The following LRRC28 variants were observed in gnomAD, a reference collection of about 807,000 sequenced individuals.
LRRC28 encodes leucine-rich repeat-containing protein 28.
A neutral mutation model predicts 45.7 loss-of-function variants in LRRC28; 39 were observed. The ratio of observed to expected loss-of-function variants is 0.85; its 90% CI spans 0.66 to 1.12. The LOEUF is 1.12. Among genes scored for constraint, LRRC28 ranks in the 50% most tolerant of loss-of-function variants. The pLI, the probability that LRRC28 is intolerant of heterozygous loss-of-function variation, is 0.00. For synonymous variants in LRRC28, 206 were observed against 178.8 expected, an observed-to-expected ratio of 1.15 and a Z score of -1.22; for missense variants, 435 against 438.5, an observed-to-expected ratio of 0.99 and a Z score of 0.07.
chr15:99,359,027 A>G (rs1417483507), intron 7 of LRRC28, among the ~76,000 whole-genome samples: 1 of 152,040 alleles, frequency 6.6e-6, no homozygotes, highest in Non-Finnish European at 1.5e-5. Flanking sequence ...ATGAGTTGAG[A>G]TCACAGACTG....
chr15:99,263,351 A>T (rs2081252306), intron 2 of LRRC28, among the ~76,000 whole-genome samples: 1 of 151,924 alleles, frequency 6.6e-6, no homozygotes, highest in South Asian at 2.1e-4. Flanking sequence ...GTAGTTAAGA[A>T]ACATGATTTT....
rs548118158 is a variant in LRRC28 at position 99,361,468 on chromosome 15, G to C, written c.828G>C (p.Leu276Phe). ...EHDHVLPLQELAMRGLYHTYH... is the reference protein window; with the variant it reads ...EHDHVLPLQEFAMRGLYHTYH... ...ATCACGTCCTCCCTCTGCAGGAATT[G>C]GCTATGAGAGGGCTGTATCATACCT... is the stretch of plus-strand genomic sequence containing the variant. Residue 276 changes from leucine (L) to phenylalanine (F), a missense_variant, in exon 8 of 10, where the codon TTG becomes TTC. Physicochemically the swap from Leu to Phe is conservative, Grantham distance 22. Transcript: ENST00000301981. The C allele has an allele frequency of 6.2e-7, 1 of 1,613,548 alleles. No homozygotes were observed. Among genetic ancestry groups the C allele is most frequent in the African/African-American group, 1.3e-5 (1 of 74,860 alleles).
intron 3 of LRRC28, chr15:99,285,583 AG>A: frequency 2.7e-6 from 2 of 737,046 alleles, no homozygotes; most frequent in Non-Finnish European, 4.7e-6. Context: ...ACTTGACGGC[AG>A]GGGGAGGAGA....
At position 99,387,198 on chromosome 15, in the gene LRRC28, C is replaced by T. The variant is rs1353610561; in HGVS notation, c.*1096C>T. ...GCCTCAGCCTCCCAAGTAGCTGGGA[C>T]CACAGGCGCCCGCCACCACGCCCGG... On this transcript the variant is annotated 3_prime_UTR_variant, in exon 10 of 10. Transcript: ENST00000301981. 6.3e-5 allele frequency: 9 copies of T among 143,612 alleles called. No homozygotes were observed. Among genetic ancestry groups the T allele is most frequent in the East Asian group, 2.1e-4 (1 of 4,706 alleles). The allele number at this position is 143,612 out of a possible 1,614,324, so 8.9% of individuals were successfully genotyped here.
At chr15:99,332,584 G>A (rs1215033745) in intron 5 of LRRC28, among the ~76,000 whole-genome samples, 1 of 152,132 alleles carries the variant, frequency 6.6e-6, no homozygotes, top group Non-Finnish European at 1.5e-5. Flanking sequence ...GGCCACATAT[G>A]TTCTCTGTCA....
chr15:99,354,574 G>A (rs770179896), intron 7 of LRRC28, among the ~76,000 whole-genome samples: 67 of 152,262 alleles, frequency 4.4e-4, no homozygotes, highest in Middle Eastern at 3.4e-3. Context: ...TGGTCCAGTT[G>A]TTCCTTCAGT....
chr15:99,362,173 G>A (rs1199533210), intron 8 of LRRC28, among the ~76,000 whole-genome samples: 1 of 152,162 alleles, frequency 6.6e-6, no homozygotes, highest in African/African-American at 2.4e-5. Context: ...TTTTAAAACT[G>A]TGAAATGTTT....
intron 5 of LRRC28, among the ~76,000 whole-genome samples, chr15:99,323,934 C>T (rs947441653): frequency 2.6e-5 from 4 of 152,006 alleles, no homozygotes; most frequent in Non-Finnish European, 5.9e-5. Context: ...CCTATTTGTA[C>T]GTACCAGAGT....
chr15:99,367,503 T>C (rs1386583879), intron 9 of LRRC28, among the ~76,000 whole-genome samples: 4 of 152,032 alleles, frequency 2.6e-5, no homozygotes, highest in Non-Finnish European at 5.9e-5. Flanking sequence ...ACTAACCCAC[T>C]CCTGTGATAA....
chr15:99,341,349 C>T (rs751621256), intron 6 of LRRC28, among the ~76,000 whole-genome samples: 26 of 152,158 alleles, frequency 1.7e-4, no homozygotes, highest in Admixed American at 8.5e-4. Flanking sequence ...GGCTCAGCCT[C>T]CCAAAGTGCT....
At chr15:99,263,942 C>T (rs2081267667) in intron 2 of LRRC28, among the ~76,000 whole-genome samples, 1 of 152,162 alleles carries the variant, frequency 6.6e-6, no homozygotes, top group Non-Finnish European at 1.5e-5. Flanking sequence ...GCATAACGTT[C>T]GAGGGACAAG....
At chr15:99,316,663 G>A (rs1240963222) in intron 5 of LRRC28, among the ~76,000 whole-genome samples, 1 of 150,968 alleles carries the variant, frequency 6.6e-6, no homozygotes, top group Non-Finnish European at 1.5e-5. Context: ...GATGATAGGA[G>A]AGAATTATTG....
rs780727816 is a variant in LRRC28 at position 99,334,115 on chromosome 15, C to G, written c.578C>G (p.Ala193Gly). 1.9e-6 allele frequency: 3 copies of G among 1,614,092 alleles called. No individual in the cohort carries two copies. Among genetic ancestry groups the G allele is most frequent in the Non-Finnish European group, 2.5e-6 (3 of 1,179,980 alleles). ...NELSMAGNRL[A>G]FLPLDLGRSR... is the part of the protein sequence containing the mutation. ...CTCTCCATGGCTGGAAACCGTCTTG[C>G]ATTTTTGCCACTTGGTAAGTGATTG... Residue 193 changes from alanine to glycine, a missense_variant, in exon 6 of 10, where the codon GCA becomes GGA. By Grantham distance (60) the Ala-to-Gly change is moderately conservative. Transcript: ENST00000301981.
Position 99,361,393 on chromosome 15 carries a change from G to C in LRRC28, c.753G>C (p.Gln251His), listed in dbSNP as rs1226720089. Residue 251 changes from glutamine to histidine, a missense_variant, in exon 8 of 10, where the codon CAG (glutamine) becomes CAC (histidine). Coordinates refer to ENST00000301981, the MANE Select transcript of LRRC28 (RefSeq NM_144598.5). ...AGCTGCTTTCCTTTTCATCAGGGCA[G>C]CGAACCGTTTTCCTCCCAGCTGAGG... ...EVKLLSFSSGQRTVFLPAEVK... is the reference protein window; with the variant it reads ...EVKLLSFSSGHRTVFLPAEVK... 6.2e-7 allele frequency: 1 copy of C among 1,613,918 alleles called. No individual in the cohort carries two copies. The highest frequency in any genetic ancestry group is 1.1e-5 in the South Asian group (1 of 91,062).
chr15:99,311,376 A>G (rs1307509915), intron 5 of LRRC28, among the ~76,000 whole-genome samples: 4 of 152,138 alleles, frequency 2.6e-5, no homozygotes, highest in Non-Finnish European at 4.4e-5. Flanking sequence ...CATTCATTTC[A>G]AATATATTTT....
intron 8 of LRRC28, 113 bp downstream of exon 8, chr15:99,361,624 C>A: frequency 9.6e-7 from 1 of 1,046,426 alleles, no homozygotes; most frequent in Admixed American, 2.9e-5. Context: ...GTAAAATACA[C>A]ATAACACGAA....
intron 9 of LRRC28, among the ~76,000 whole-genome samples, chr15:99,370,364 G>A (rs1441672707): frequency 6.6e-6 from 1 of 152,138 alleles, no homozygotes; most frequent in African/African-American, 2.4e-5. Flanking sequence ...CGAAATATAT[G>A]TGTATGTGTA....
At chr15:99,377,636 G>C (rs1268821635) in intron 9 of LRRC28, among the ~76,000 whole-genome samples, 1 of 152,094 alleles carries the variant, frequency 6.6e-6, no homozygotes, top group Non-Finnish European at 1.5e-5. Context: ...GTCCTGAATG[G>C]TATTGCCTAG....
intron 3 of LRRC28, among the ~76,000 whole-genome samples, chr15:99,281,829 A>G (rs866434522): frequency 1.2e-4 from 18 of 152,198 alleles, no homozygotes; most frequent in African/African-American, 4.1e-4. Context: ...TCTCTCTTGA[A>G]TACCTCAAAT....
Sources: gnomAD v4.1 joint callset for allele counts (sites outside exome capture counted in the v4.1 genomes callset) on GRCh38, gnomAD v4.1.1 for gene constraint, MANE v1.5 for transcripts, NCBI Gene and HGNC (gene_info 2026-07-23, HGNC 2026-07-21) for gene names.